Variants in ACADM observed in about 807,000 individuals in gnomAD.
The protein encoded by ACADM is medium-chain specific acyl-CoA dehydrogenase, mitochondrial.
In ACADM, 49 loss-of-function variants were observed where a neutral mutation model predicts 58.9. The observed-to-expected ratio is 0.83, with a 90% CI of 0.66 to 1.06. The LOEUF is 1.06. Ranked by LOEUF, ACADM falls within the 50% of genes least tolerant of loss-of-function variation. The pLI, the probability that ACADM is intolerant of heterozygous loss-of-function variation, is 0.00. For missense variants in ACADM, 496 were observed against 507.0 expected, an observed-to-expected ratio of 0.98 and a Z score of 0.21; for synonymous variants, 160 against 157.7, an observed-to-expected ratio of 1.01 and a Z score of -0.11.
Position 75,737,290 on chromosome 1 carries a change from A to ATATATG in ACADM, c.468+2424_468+2425insGTATAT, listed in dbSNP as rs1553123535. Reference sequence around the variant, plus strand: ...CACACACACACACAAATATATATATATATATATATATATATATATATATAT... The same window carrying ATATATG: ...CACACACACACACAAATATATATATATATATGTATATATATATATATATATATATAT... On this transcript the variant is annotated intron_variant, in intron 6 of 11. Transcript: ENST00000370841. Among the ~76,000 whole-genome samples the ATATATG allele has an allele frequency of 4.2e-4, 33 of 78,180 alleles. 1 individual carries two copies. The highest frequency in any genetic ancestry group is 1.9e-3 in the African/African-American group (33 of 17,262). The allele number at this position is 78,180 out of a possible 152,430, so 51.3% of individuals were successfully genotyped here.
chr1:75,758,072 A>AT (rs1055178436), intron 10 of ACADM, among the ~76,000 whole-genome samples: 3 of 151,654 alleles, frequency 2.0e-5, no homozygotes, highest in African/African-American at 4.8e-5. Flanking sequence ...TTTAATTATT[A>AT]TTTTTTTCAT....
chr1:75,734,324 C>G (rs1364169420), intron 5 of ACADM, among the ~76,000 whole-genome samples: 1 of 133,562 alleles, frequency 7.5e-6, no homozygotes, highest in East Asian at 2.4e-4. Flanking sequence ...CCACCATGCC[C>G]GGCTAATTTT....
At chr1:75,736,470 G>A (rs948515810) in intron 6 of ACADM, among the ~76,000 whole-genome samples, 1 of 152,076 alleles carries the variant, frequency 6.6e-6, no homozygotes, top group Non-Finnish European at 1.5e-5. Flanking sequence ...TAACAATTGA[G>A]AGGTTAGCTA....
At chr1:75,745,747 C>T (rs1647859040) in intron 7 of ACADM, 59 bp from the exon 8 acceptor site, 1 of 1,138,392 alleles carries the variant, frequency 8.8e-7, no homozygotes, top group Non-Finnish European at 1.3e-6. Context: ...ACTGAGAGAG[C>T]AATCACCATG....
chr1:75,741,262 G>C (rs1246292947), intron 7 of ACADM, among the ~76,000 whole-genome samples: 16 of 151,826 alleles, frequency 1.1e-4, no homozygotes, highest in Non-Finnish European at 2.1e-4. Flanking sequence ...TTTTTTTTCA[G>C]AGTGAGCCTA....
intron 6 of ACADM, among the ~76,000 whole-genome samples, chr1:75,736,220 CTG>C (rs1647260192): frequency 1.4e-5 from 2 of 142,368 alleles, no homozygotes; most frequent in African/African-American, 5.9e-5. Flanking sequence ...TATTCTGAAA[CTG>C]TTGTTTACCT....
chr1:75,733,413 A>G, intron 4 of ACADM, 115 bp from the exon 5 acceptor site: 1 of 1,127,764 alleles, frequency 8.9e-7, no homozygotes, highest in South Asian at 1.3e-5. Context: ...ATTATATTGC[A>G]AATTTCCTTT....
chr1:75,762,167 T>A (rs1257031313), intron 11 of ACADM, among the ~76,000 whole-genome samples: 1 of 152,200 alleles, frequency 6.6e-6, no homozygotes, highest in East Asian at 1.9e-4. Context: ...CAGTTTAGCT[T>A]TTCTCTGCCA....
chr1:75,746,406 T>C (rs1647903421), intron 8 of ACADM, among the ~76,000 whole-genome samples: 2 of 152,022 alleles, frequency 1.3e-5, no homozygotes, highest in South Asian at 4.2e-4. Context: ...GCCTTGAATA[T>C]GGAAAGGCAA....
At chr1:75,756,031 A>G (rs548164989) in intron 10 of ACADM, among the ~76,000 whole-genome samples, 11 of 152,346 alleles carry the variant, frequency 7.2e-5, no homozygotes, top group African/African-American at 2.6e-4. Flanking sequence ...TCTTCATGCT[A>G]AAAACTCAAT....
At chr1:75,734,895 T>A in intron 6 of ACADM, 24 bp downstream of exon 6, 1 of 1,543,242 alleles carries the variant, frequency 6.5e-7, no homozygotes, top group Non-Finnish European at 9.0e-7. Context: ...ACTGCCGCTT[T>A]ATTTCACACT....
At position 75,725,460 on chromosome 1, in the gene ACADM, A is replaced by G. The variant is rs1317089594; in HGVS notation, c.30+643A>G. Among the ~76,000 whole-genome samples, 4 of 152,210 alleles carry G rather than the reference A, an allele frequency of 2.6e-5. No individual in the cohort carries two copies. In the East Asian group the frequency reaches 5.8e-4, roughly 22 times the overall value. On this transcript the variant is annotated intron_variant, in intron 1 of 11. Coordinates refer to ENST00000370841, the MANE Select transcript of ACADM (RefSeq NM_000016.6). ...AAAGCTGCGGTTTTAGAATAATCCT[A>G]AAGAATTGCTGCCCATGTTTTGCTG...
chr1:75,760,942 CA>C (rs1648810127), intron 10 of ACADM, among the ~76,000 whole-genome samples, 179 bp from the exon 11 acceptor site: 1 of 152,124 alleles, frequency 6.6e-6, no homozygotes, highest in Non-Finnish European at 1.5e-5. Flanking sequence ...CACAGTGGCT[CA>C]CGCCTGTAAT....
intron 2 of ACADM, among the ~76,000 whole-genome samples, chr1:75,729,453 G>GTT: frequency 1.3e-5 from 1 of 76,576 alleles, no homozygotes. Context: ...AAAAGTTTCT[G>GTT]TGTTTTTTTT....
chr1:75,726,839 C>G (rs1422674606), intron 1 of ACADM, among the ~76,000 whole-genome samples: 1 of 135,298 alleles, frequency 7.4e-6, no homozygotes, highest in Non-Finnish European at 1.5e-5. Flanking sequence ...GAGTCTTGCT[C>G]TGTCACCCAG....
chr1:75,749,601 TATTAC>T, intron 9 of ACADM, 42 bp downstream of exon 9: 1 of 1,543,860 alleles, frequency 6.5e-7, no homozygotes, highest in Non-Finnish European at 8.9e-7. Context: ...ATCTTTTATT[TATTAC>T]ATTAAATAAG....
chr1:75,746,683 C>T (rs1015504712), intron 8 of ACADM, among the ~76,000 whole-genome samples: 1 of 150,960 alleles, frequency 6.6e-6, no homozygotes, highest in East Asian at 1.9e-4. Flanking sequence ...ACTGCAACCT[C>T]TGCCTCCTGG....
At chr1:75,734,294 A>G (rs55960036) in intron 5 of ACADM, among the ~76,000 whole-genome samples, 6,411 of 147,794 alleles carry the variant, frequency 0.043, 233 homozygotes, top group African/African-American at 0.094. Context: ...CTCCCAAGTA[A>G]CTGGGACTAC....
chr1:75,731,356 T>G (rs1006516900), intron 2 of ACADM, among the ~76,000 whole-genome samples: 1 of 151,828 alleles, frequency 6.6e-6, no homozygotes, highest in Admixed American at 6.6e-5. Flanking sequence ...AGCTTTTATG[T>G]ATTGTTTCTC....
Sources: gnomAD v4.1 joint callset for allele counts (sites outside exome capture counted in the v4.1 genomes callset) on GRCh38, gnomAD v4.1.1 for gene constraint, MANE v1.5 for transcripts, NCBI Gene and HGNC (gene_info 2026-07-23, HGNC 2026-07-21) for gene names.